Variants in FGD6 observed in about 807,000 individuals in gnomAD.
FGD6 encodes the protein FYVE, RhoGEF and PH domain containing 6.
In FGD6, 90 loss-of-function variants were observed where a neutral mutation model predicts 149.4. The ratio of observed to expected loss-of-function variants is 0.60; its 90% confidence interval spans 0.51 to 0.72. The LOEUF (loss-of-function observed/expected upper bound fraction) is 0.72, where lower values mean the gene tolerates loss of function less well. FGD6 is among the 30% of genes least tolerant of loss of function. FGD6 has a pLI of 0.00. For synonymous variants in FGD6, 527 were observed against 584.0 expected (o/e 0.90, Z 1.41); for missense variants, 1,437 against 1,684.8 (o/e 0.85, Z 2.57).
chr12:95,178,600 A>G (rs1881196180), intron 2 of FGD6, among the ~76,000 whole-genome samples: 1 of 152,202 alleles, frequency 6.6e-6, no homozygotes. Context: ...GGTATCAAAT[A>G]TATTGATTTT....
Position 95,209,880 on chromosome 12 carries a change from T to C in FGD6, c.1404A>G (p.Gln468=), listed in dbSNP as rs780359574. The change falls in exon 2 of 21, where the codon CAA becomes CAG. Residue 468 remains glutamine (Q), a synonymous_variant. Coordinates refer to ENST00000343958, the MANE Select transcript of FGD6 (RefSeq NM_018351.4). ...CAGAAACTCCCAGGTTTCTCCCAGATTGCAAATGTTCATTGCAAGTTAATT... is the reference window on the plus strand; with the variant it reads ...CAGAAACTCCCAGGTTTCTCCCAGACTGCAAATGTTCATTGCAAGTTAATT... ...QLKLTCNEHL[Q]SGRNLGVSAP... is the part of the protein sequence containing the mutation. 2 of 1,613,314 alleles carry C rather than the reference T, an allele frequency of 1.2e-6. No homozygotes were observed. Among genetic ancestry groups the C allele is most frequent in the South Asian group, 2.2e-5 (2 of 90,684 alleles).
At chr12:95,168,988 GGAAA>G (rs1390788955) in intron 3 of FGD6, among the ~76,000 whole-genome samples, 2 of 152,158 alleles carry the variant, frequency 1.3e-5, no homozygotes, top group Non-Finnish European at 2.9e-5. Flanking sequence ...ACAAGTGTCT[GGAAA>G]GAAAGAGACT....
At chr12:95,192,770 A>G (rs1458211699) in intron 2 of FGD6, among the ~76,000 whole-genome samples, 1 of 152,346 alleles carries the variant, frequency 6.6e-6, no homozygotes, top group East Asian at 1.9e-4. Context: ...CACAAAAGGT[A>G]GCATGTGAAT....
In FGD6 at chr12:95,208,929, G is replaced by A. The variant is rs750309486; in HGVS notation, c.2355C>T (p.Asp785=). Residue 785 remains aspartate (D), a synonymous_variant, in exon 2 of 21, where the codon GAC becomes GAT. Transcript: ENST00000343958. ...LEWQNSSSME[D]ADANVYEVEE... ...CTACCTCATACACATTTGCATCAGC[G>A]TCCTCCATGCTGCTGGAATTCTGCC... 29 of 1,613,920 alleles carry A rather than the reference G, an allele frequency of 1.8e-5. No homozygotes were observed. Among genetic ancestry groups the A allele is most frequent in the Admixed American group, 5.0e-5 (3 of 59,970 alleles).
At chr12:95,197,475 C>T (rs867569796) in intron 2 of FGD6, among the ~76,000 whole-genome samples, 1 of 152,004 alleles carries the variant, frequency 6.6e-6, no homozygotes, top group South Asian at 2.1e-4. Flanking sequence ...CCAAAAGGCT[C>T]CATAAAGTCT....
intron 3 of FGD6, among the ~76,000 whole-genome samples, chr12:95,164,651 G>A (rs919985704): frequency 6.6e-5 from 10 of 151,942 alleles, no homozygotes; most frequent in Admixed American, 3.3e-4. Context: ...GGCTGGTCTC[G>A]AACTTCTGAC....
intron 1 of FGD6, among the ~76,000 whole-genome samples, chr12:95,216,654 T>C (rs1432575611): frequency 4.0e-5 from 4 of 101,000 alleles, no homozygotes; most frequent in African/African-American, 1.2e-4. Context: ...ATAATTGTAA[T>C]TGGGTGCAGA....
At position 95,210,986 on chromosome 12, in the gene FGD6, T is replaced by G. The variant is rs374659707; in HGVS notation, c.298A>C (p.Asn100His). Residue 100 changes from asparagine to histidine, a missense_variant, in exon 2 of 21, where the codon AAT becomes CAT. Physicochemically the swap from Asn to His is moderately conservative, Grantham distance 68. Coordinates refer to ENST00000343958, the MANE Select transcript of FGD6 (RefSeq NM_018351.4). ...TDNFNCKYEG[N>H]QSNDYISPMC... ...GGTGAAATATAATCATTGCTCTGAT[T>G]GCCTTCATATTTACAATTAAAGTTG... The G allele has an allele frequency of 2.8e-5, 46 of 1,614,132 alleles. No homozygotes were observed. In the African/African-American group the frequency reaches 3.2e-4, roughly 11 times the overall value.
chr12:95,099,420 T>G (rs1052688519), intron 14 of FGD6, among the ~76,000 whole-genome samples: 1 of 152,184 alleles, frequency 6.6e-6, no homozygotes, highest in African/African-American at 2.4e-5. Context: ...TAATATGGGA[T>G]GCAGTACCTG....
At chr12:95,212,827 G>A (rs2056735011) in intron 1 of FGD6, among the ~76,000 whole-genome samples, 1 of 152,022 alleles carries the variant, frequency 6.6e-6, no homozygotes, top group African/African-American at 2.4e-5. Flanking sequence ...AAGAGGAGTA[G>A]GGTGCTCTAC....
At chr12:95,214,550 T>C (rs1320966855) in intron 1 of FGD6, among the ~76,000 whole-genome samples, 6 of 152,348 alleles carry the variant, frequency 3.9e-5, no homozygotes, top group Non-Finnish European at 8.8e-5. Flanking sequence ...TCTAGCACCT[T>C]TGGATCTTAA....
At position 95,209,827 on chromosome 12, in the gene FGD6, A is replaced by G. The variant is rs926124678; in HGVS notation, c.1457T>C (p.Ile486Thr). 1.2e-6 allele frequency: 2 copies of G among 1,608,758 alleles called. No homozygotes were observed. The highest frequency in any genetic ancestry group is 1.3e-5 in the African/African-American group (1 of 74,436). Residue 486 changes from isoleucine (I) to threonine (T), a missense_variant, in exon 2 of 21, where the codon ATA becomes ACA. Ile to Thr is a moderately conservative substitution (Grantham distance 89, BLOSUM62 -1). Transcript: ENST00000343958. ...SAPQMQKESV[I>T]KEENSLRIVP... ...AATTCGTAGAGAATTTTCCTCTTTT[A>G]TAACAGATTCCTTTTGCATTTGAGG... is the stretch of plus-strand genomic sequence containing the variant.
In FGD6 at chr12:95,166,561, G is replaced by A. The variant is rs552304642; in HGVS notation, c.2586+6039C>T. Among the ~76,000 whole-genome samples the A allele has an allele frequency of 6.5e-4, 99 of 151,996 alleles. 2 individuals carry two copies. In the South Asian group the frequency reaches 0.014, roughly 21 times the overall value. ...ATGTCTTTAAAAAAAAAAATTAGCCGGGCATGGTTGTGTATACCTGTAATC... is the reference window on the plus strand; with the variant it reads ...ATGTCTTTAAAAAAAAAAATTAGCCAGGCATGGTTGTGTATACCTGTAATC... On this transcript the variant is annotated intron_variant, in intron 3 of 20. Coordinates refer to ENST00000343958, the MANE Select transcript of FGD6 (RefSeq NM_018351.4).
At chr12:95,128,630 G>A (rs1432855909) in intron 8 of FGD6, among the ~76,000 whole-genome samples, 1 of 152,184 alleles carries the variant, frequency 6.6e-6, no homozygotes, top group Non-Finnish European at 1.5e-5. Flanking sequence ...AAGACAAAGG[G>A]CAAGATCAAT....
intron 8 of FGD6, among the ~76,000 whole-genome samples, chr12:95,122,272 A>T (rs1046166033): frequency 1.3e-5 from 2 of 152,218 alleles, no homozygotes; most frequent in African/African-American, 4.8e-5. Flanking sequence ...GTATCATTTT[A>T]TGCACAAATG....
At chr12:95,089,417 T>G in intron 18 of FGD6, 152 bp downstream of exon 18, 1 of 972,298 alleles carries the variant, frequency 1.0e-6, no homozygotes, top group Non-Finnish European at 1.5e-6. Flanking sequence ...AGCAAGATTG[T>G]GAGGCATCAG....
intron 16 of FGD6, 116 bp from the exon 17 acceptor site, chr12:95,091,925 C>G: frequency 1.4e-6 from 1 of 713,068 alleles, no homozygotes. Context: ...TTCAGAGTCA[C>G]TGAGTCTCAC....
intron 6 of FGD6, among the ~76,000 whole-genome samples, chr12:95,140,699 G>A (rs1246960992): frequency 6.6e-6 from 1 of 152,176 alleles, no homozygotes; most frequent in Non-Finnish European, 1.5e-5. Context: ...TGGAAAGGGA[G>A]TTTCATGACC....
At position 95,208,985 on chromosome 12, in the gene FGD6, T is replaced by C. The variant is rs1377329287; in HGVS notation, c.2299A>G (p.Met767Val). Residue 767 changes from methionine to valine, a missense_variant, in exon 2 of 21, where the codon ATG becomes GTG. Transcript: ENST00000343958. ...IPEYENLPFI[M>V]AIRKTQELEW... The stretch of plus-strand genomic sequence containing the variant: ...AACTCTTGAGTTTTCCGTATAGCCA[T>C]AATAAATGGCAAGTTCTCGTACTCT... 5 of 1,614,050 alleles carry C rather than the reference T, an allele frequency of 3.1e-6. No individual in the cohort carries two copies. The South Asian group carries it at 5.5e-5, about 18-fold the overall frequency.
Sources: allele counts gnomAD v4.1 joint callset (sites outside exome capture counted in the v4.1 genomes callset), GRCh38; gene constraint gnomAD v4.1.1; transcripts MANE v1.5; gene names NCBI Gene and HGNC (gene_info 2026-07-23, HGNC 2026-07-21).